The following COL11A1 variants were observed in gnomAD, a reference collection of about 807,000 sequenced individuals.
The protein encoded by COL11A1 is collagen type XI alpha 1 chain.
In COL11A1, 74 loss-of-function variants were observed where a neutral mutation model predicts 265.2. That is an observed-to-expected ratio of 0.28 (90% CI 0.23 to 0.34). The LOEUF (loss-of-function observed/expected upper bound fraction) is 0.34. COL11A1 is among the 10% of genes least tolerant of loss of function. COL11A1 has a pLI of 1.00. For missense variants in COL11A1, 2,165 were observed against 2,263.6 expected (o/e 0.96, Z 0.88); for synonymous variants, 816 against 727.6 (o/e 1.12, Z -1.96).
intron 1 of COL11A1, among the ~76,000 whole-genome samples, chr1:103,094,797 G>C (rs1300122209): frequency 6.6e-6 from 1 of 151,838 alleles, no homozygotes; most frequent in African/African-American, 2.4e-5. Context: ...TGTCAATAAG[G>C]CTTCCCATGA....
At chr1:102,929,699 T>C (rs987416372) in intron 46 of COL11A1, among the ~76,000 whole-genome samples, 2 of 151,964 alleles carry the variant, frequency 1.3e-5, no homozygotes. Context: ...GCCATTTTCA[T>C]GATATTGATT....
intron 2 of COL11A1, among the ~76,000 whole-genome samples, chr1:103,081,909 T>C (rs1242732990): frequency 6.6e-6 from 1 of 152,000 alleles, no homozygotes; most frequent in African/African-American, 2.4e-5. Flanking sequence ...AGAGAGCCTC[T>C]GTGAAATTCA....
chr1:103,011,842 G>T (rs10458505), intron 14 of COL11A1, among the ~76,000 whole-genome samples: 90,791 of 151,916 alleles, frequency 0.6, 30,058 homozygotes, highest in East Asian at 0.91. Flanking sequence ...AGATTTTTTA[G>T]ACAAAAATAT....
chr1:103,092,512 G>A (rs887512077), intron 1 of COL11A1, among the ~76,000 whole-genome samples: 1 of 152,074 alleles, frequency 6.6e-6, no homozygotes, highest in African/African-American at 2.4e-5. Context: ...ACCATTCATA[G>A]TGGAGAGAAA....
chr1:102,940,559 T>A, intron 42 of COL11A1, 125 bp from the exon 43 acceptor site: 1 of 713,240 alleles, frequency 1.4e-6, no homozygotes, highest in Non-Finnish European at 2.4e-6. Flanking sequence ...TTTTAAAGAA[T>A]AAATGATACA....
chr1:103,047,267 T>C (rs1669365972), intron 4 of COL11A1, among the ~76,000 whole-genome samples: 1 of 152,204 alleles, frequency 6.6e-6, no homozygotes, highest in Non-Finnish European at 1.5e-5. Flanking sequence ...TTTGTTTGTA[T>C]CCTCTTTTAT....
At position 103,084,550 on chromosome 1, in the gene COL11A1, C is replaced by T. The variant is rs542944028; in HGVS notation, c.107-1578G>A. The stretch of plus-strand genomic sequence containing the variant: ...AGAAGTCCTGATACAGGCTATAACA[C>T]GGATCAACCTTCAAAACAGTACACT... On this transcript the variant is annotated intron_variant, in intron 1 of 66. Transcript: ENST00000370096. Among the ~76,000 whole-genome samples, 15 of 149,376 alleles carry T rather than the reference C, an allele frequency of 1.0e-4. No homozygotes were observed. The South Asian group carries it at 1.5e-3, about 15-fold the overall frequency.
intron 25 of COL11A1, 143 bp from the exon 26 acceptor site, chr1:102,997,267 T>C (rs1223760523): frequency 1.3e-6 from 1 of 767,640 alleles, no homozygotes; most frequent in South Asian, 1.6e-5. Context: ...CATCAGTGTG[T>C]ATGGCTTTAA....
intron 1 of COL11A1, among the ~76,000 whole-genome samples, chr1:103,103,058 C>G (rs1393261776): frequency 6.6e-6 from 1 of 151,950 alleles, no homozygotes; most frequent in African/African-American, 2.4e-5. Flanking sequence ...TATGCCTAAG[C>G]TAACAGATAC....
chr1:102,988,460 G>A (rs758083877), intron 29 of COL11A1, among the ~76,000 whole-genome samples: 2 of 152,124 alleles, frequency 1.3e-5, no homozygotes, highest in Non-Finnish European at 2.9e-5. Flanking sequence ...TGGATAAATA[G>A]GCCCTGTCTG....
intron 24 of COL11A1, among the ~76,000 whole-genome samples, chr1:103,000,605 T>C (rs553693465): frequency 2.0e-5 from 3 of 151,812 alleles, no homozygotes; most frequent in South Asian, 4.2e-4. Context: ...AGACAGACAA[T>C]AACAAGCATT....
chr1:103,065,081 G>T (rs1397515812), intron 4 of COL11A1, among the ~76,000 whole-genome samples: 1 of 152,086 alleles, frequency 6.6e-6, no homozygotes, highest in Non-Finnish European at 1.5e-5. Context: ...TTCATCTGTT[G>T]TAATAAATTC....
intron 24 of COL11A1, among the ~76,000 whole-genome samples, chr1:102,999,661 G>C (rs1664937969): frequency 6.6e-6 from 1 of 151,518 alleles, no homozygotes; most frequent in African/African-American, 2.4e-5. Flanking sequence ...AAAAGCACAG[G>C]CTATGATAAG....
chr1:103,023,511 C>T (rs1472443890), intron 7 of COL11A1, among the ~76,000 whole-genome samples: 2 of 151,872 alleles, frequency 1.3e-5, no homozygotes, highest in African/African-American at 2.4e-5. Context: ...GCATGCACCA[C>T]CATGCCTGGG....
chr1:102,898,098 T>G (rs1312483203), intron 57 of COL11A1, 27 bp downstream of exon 57: 2 of 1,511,142 alleles, frequency 1.3e-6, no homozygotes, highest in Non-Finnish European at 1.8e-6. Context: ...TTCTCACTTT[T>G]TAAATGACTG....
intron 31 of COL11A1, among the ~76,000 whole-genome samples, chr1:102,983,931 C>G (rs1663280873): frequency 6.6e-6 from 1 of 152,000 alleles, no homozygotes; most frequent in African/African-American, 2.4e-5. Context: ...TTCATGATTC[C>G]TTCTCCTAAA....
intron 20 of COL11A1, among the ~76,000 whole-genome samples, chr1:103,004,132 C>T (rs142855182): frequency 2.6e-5 from 4 of 152,006 alleles, no homozygotes; most frequent in African/African-American, 9.6e-5. Context: ...CTTCTCAGTA[C>T]ATAAATTTCG....
chr1:102,889,455 C>T lies in COL11A1; in HGVS notation c.4464G>A (p.Gly1488=). ...AAAAATAACCTATATTTTTACTCAC[C>T]CCATCCCCTTTTGCTCCTGGAGATC... The part of the protein sequence containing the change: ...TQGSPGAKGD[G]GIPGPAGPLG... Residue 1488 remains glycine, a splice_region_variant and synonymous_variant, in exon 59 of 67, where the codon GGG becomes GGA. Coordinates refer to ENST00000370096, the MANE Select transcript of COL11A1 (RefSeq NM_001854.4). 6.2e-7 allele frequency: 1 copy of T among 1,608,294 alleles called. No individual in the cohort carries two copies. The highest frequency in any genetic ancestry group is 8.5e-7 in the Non-Finnish European group (1 of 1,176,494).
At position 102,898,948 on chromosome 1, in the gene COL11A1, C is replaced by G; in HGVS notation, c.4133G>C (p.Gly1378Ala). Residue 1378 changes from glycine (G) to alanine (A), a missense_variant, in exon 55 of 67, where the codon GGT becomes GCT. Coordinates refer to ENST00000370096, the MANE Select transcript of COL11A1 (RefSeq NM_001854.4). ...ATATTATTTTTTTTTTACCTTAGCA[C>G]CTTTTTCACCTTGTCTTCCCTCTGC... The part of the protein sequence containing the change: ...AGAEGRQGEK[G>A]AKGEAGAEGP... 2 of 1,514,566 alleles carry G rather than the reference C, an allele frequency of 1.3e-6. No homozygotes were observed. The highest frequency in any genetic ancestry group is 2.5e-5 in the South Asian group (2 of 78,786). The allele number at this position is 1,514,566 out of a possible 1,614,324, so 93.8% of individuals were successfully genotyped here.
Sources: allele counts gnomAD v4.1 joint callset (sites outside exome capture counted in the v4.1 genomes callset), GRCh38; gene constraint gnomAD v4.1.1; transcripts MANE v1.5; gene names NCBI Gene and HGNC (gene_info 2026-07-23, HGNC 2026-07-21).